The following PDE4DIP variants were observed in gnomAD, a reference collection of about 807,000 sequenced individuals.
PDE4DIP encodes phosphodiesterase 4D interacting protein.
PDE4DIP carries 59 observed loss-of-function variants against 221.4 expected under a neutral mutation model. That is an observed-to-expected ratio of 0.27 (90% CI 0.22 to 0.33). PDE4DIP has a LOEUF of 0.33. Ranked by LOEUF, PDE4DIP falls within the 10% of genes least tolerant of loss-of-function variation. PDE4DIP has a pLI of 1.00. For missense variants in PDE4DIP, 1,036 were observed against 2,154.2 expected (o/e 0.48, Z 10.28); for synonymous variants, 404 against 815.9 (o/e 0.50, Z 8.60).
chr1:148,870,143 A>AT lies in PDE4DIP; in HGVS notation c.441+1522dup, dbSNP rs1349723589. The AT allele has an allele frequency of 2.1e-5, 6 of 280,500 alleles. No individual in the cohort carries two copies. The Admixed American group carries it at 3.4e-4, about 16-fold the overall frequency. The allele number at this position is 280,500 out of a possible 1,614,324, so 17.4% of individuals were successfully genotyped here. A position where few individuals can be genotyped will look rare whatever the true frequency, so the allele number is the denominator to read the frequency against. ...AATTTTATGCTTAGCATTCTCATGT[A>AT]TACTGTGTGTATGTTTTTTTTAAGA... On this transcript the variant is annotated intron_variant, in intron 3 of 45. Transcript: ENST00000524974.
rs1274227326 is a variant in PDE4DIP at position 148,859,792 on chromosome 1, T to G, written c.234-3458T>G. Among the ~76,000 whole-genome samples, 204 of 113,136 alleles carry G rather than the reference T, an allele frequency of 1.8e-3. 1 individual carries two copies. The highest frequency in any genetic ancestry group is 8.9e-3 in the Middle Eastern group (2 of 224). The allele number at this position is 113,136 out of a possible 152,430, so 74.2% of individuals were successfully genotyped here. A position where few individuals can be genotyped will look rare whatever the true frequency, so the allele number is the denominator to read the frequency against. ...GAATGTACCAACATATATTACCACT[T>G]TGTGTGTGTGTGTGTGTGTGTGTGT... On this transcript the variant is annotated intron_variant, in intron 1 of 45. Coordinates refer to the PDE4DIP transcript ENST00000524974.
At chr1:149,005,963 T>C (rs587718424) in intron 27 of PDE4DIP, among the ~76,000 whole-genome samples, 70 of 152,188 alleles carry the variant, frequency 4.6e-4, no homozygotes, top group African/African-American at 1.7e-3. Context: ...TGAAACCCCA[T>C]CTCTACTAAA....
Position 148,857,410 on chromosome 1 carries a change from G to A in PDE4DIP, c.234-5840G>A, listed in dbSNP as rs782431485. ...GGAGTCTCGCTCTGTCGCCCAGGCC[G>A]GACTGCGGACTGCAGTGGCGCAATC... On this transcript the variant is annotated intron_variant, in intron 1 of 45. Transcript: ENST00000524974. Among the ~76,000 whole-genome samples the A allele has an allele frequency of 3.2e-3, 68 of 20,928 alleles. 7 individuals carry two copies. The highest frequency in any genetic ancestry group is 4.2e-3 in the Non-Finnish European group (60 of 14,244). 13.7% of individuals were successfully genotyped at this position (20,928 alleles called of 152,430 possible).
chr1:149,023,862 T>C (rs1449785421), intron 37 of PDE4DIP, among the ~76,000 whole-genome samples: 4 of 151,430 alleles, frequency 2.6e-5, no homozygotes, highest in African/African-American at 9.7e-5. Flanking sequence ...ATATAGTATG[T>C]ATATACACAC....
intron 1 of PDE4DIP, among the ~76,000 whole-genome samples, chr1:148,905,280 T>C (rs1338853412): frequency 9.1e-6 from 1 of 110,476 alleles, no homozygotes; most frequent in African/African-American, 3.8e-5. Context: ...GCCTCCCGGG[T>C]TCATGCCATT....
chr1:149,022,941 T>C (rs1215371978), intron 37 of PDE4DIP, among the ~76,000 whole-genome samples: 2 of 152,340 alleles, frequency 1.3e-5, no homozygotes, highest in East Asian at 1.9e-4. Flanking sequence ...AGGGTATAGA[T>C]AGATTTTAAA....
intron 4 of PDE4DIP, among the ~76,000 whole-genome samples, chr1:148,935,128 C>A (rs1336685195): frequency 2.0e-5 from 3 of 151,886 alleles, no homozygotes; most frequent in Non-Finnish European, 2.9e-5. Context: ...GCAGGAGAAT[C>A]GCTTGAACCA....
rs1379729770 is a variant in PDE4DIP at position 148,963,611 on chromosome 1, TG to T, written c.1194+975del. On this transcript the variant is annotated intron_variant, in intron 9 of 43. Coordinates refer to ENST00000369354, the Ensembl canonical transcript of PDE4DIP. ...GGATGGGTAAAACCAGGCAGAAAAG[TG>T]GGGAAGAACCACTAAGGTCAGAGGA... 5.9e-5 allele frequency among the ~76,000 whole-genome samples: 9 copies of T among 151,594 alleles called. No homozygotes were observed. In the East Asian group the frequency reaches 1.7e-3, roughly 29 times the overall value.
At chr1:148,927,829 C>T (rs2047050297) in intron 1 of PDE4DIP, among the ~76,000 whole-genome samples, 1 of 152,290 alleles carries the variant, frequency 6.6e-6, no homozygotes, top group East Asian at 1.9e-4. Context: ...TAACATTTTG[C>T]AGAAACCTCC....
At chr1:148,969,961 C>T (rs1553523747) in intron 14 of PDE4DIP, among the ~76,000 whole-genome samples, 2 of 152,310 alleles carry the variant, frequency 1.3e-5, no homozygotes, top group East Asian at 3.9e-4. Flanking sequence ...CCATCTCAGC[C>T]TCCCAAAGTG....
chr1:148,885,921 A>G (rs2442641), upstream of PDE4DIP, among the ~76,000 whole-genome samples: 1,838 of 90,430 alleles, frequency 0.02, 87 homozygotes, highest in East Asian at 0.093. Flanking sequence ...TGTAGAATAT[A>G]CATAGTAAGA....
At chr1:149,001,023 A>T (rs2065523210) in intron 23 of PDE4DIP, among the ~76,000 whole-genome samples, 1 of 151,586 alleles carries the variant, frequency 6.6e-6, no homozygotes, top group Non-Finnish European at 1.5e-5. Flanking sequence ...GGGATATGGG[A>T]TGAATAGGAC....
At chr1:148,982,283 A>G (rs587620234) in intron 21 of PDE4DIP, 2 of 152,364 alleles carry the variant, frequency 1.3e-5, no homozygotes, top group Middle Eastern at 3.4e-3. Context: ...TTTCAAATGT[A>G]GTATCCCTCT....
intron 3 of PDE4DIP, among the ~76,000 whole-genome samples, chr1:148,883,994 C>T (rs2149123139): frequency 7.0e-6 from 1 of 143,286 alleles, no homozygotes; most frequent in African/African-American, 2.8e-5. Flanking sequence ...CAAGTTTCCA[C>T]ATGCAGCGCT....
chr1:148,965,494 A>G (rs1553517206), exon 10 of PDE4DIP: 6 of 1,607,400 alleles, frequency 3.7e-6, no homozygotes, highest in Middle Eastern at 1.7e-4. Flanking sequence ...GAATTGCGAA[A>G]AGCCTTGCAG....
chr1:148,919,568 G>T (rs2044988617), intron 1 of PDE4DIP, among the ~76,000 whole-genome samples: 1 of 151,826 alleles, frequency 6.6e-6, no homozygotes, highest in Non-Finnish European at 1.5e-5. Flanking sequence ...CTGTTTTATA[G>T]AGTTATGACC....
chr1:148,915,205 T>C (rs2043697877), intron 1 of PDE4DIP, among the ~76,000 whole-genome samples: 1 of 152,088 alleles, frequency 6.6e-6, no homozygotes, highest in South Asian at 2.1e-4. Flanking sequence ...TGGAGTGCAG[T>C]GGTGCAATCT....
At chr1:148,970,191 T>C (rs1185902433) in intron 14 of PDE4DIP, among the ~76,000 whole-genome samples, 2 of 149,546 alleles carry the variant, frequency 1.3e-5, no homozygotes, top group Non-Finnish European at 3.0e-5. Flanking sequence ...TGTTTTCTTA[T>C]GTTGTGAAAG....
Position 148,960,021 on chromosome 1 carries a change from C to T in PDE4DIP, c.637-633C>T, listed in dbSNP as rs182145558. On this transcript the variant is annotated intron_variant, in intron 5 of 43. Transcript: ENST00000369354. Reference sequence around the variant, plus strand: ...ATTTGCACAGTATTTTTTAAAAATTCTTGAACCATTTGAGAATTAGTTGTA... The same window carrying T: ...ATTTGCACAGTATTTTTTAAAAATTTTTGAACCATTTGAGAATTAGTTGTA... Among the ~76,000 whole-genome samples the T allele has an allele frequency of 2.0e-5, 3 of 151,366 alleles. No individual in the cohort carries two copies. The East Asian group carries it at 5.8e-4, about 29-fold the overall frequency.
Sources: gnomAD v4.1 joint callset for allele counts (sites outside exome capture counted in the v4.1 genomes callset) on GRCh38, gnomAD v4.1.1 for gene constraint, MANE v1.5 for transcripts, NCBI Gene and HGNC (gene_info 2026-07-23, HGNC 2026-07-21) for gene names.